Variants in TRPM8 observed in about 807,000 individuals in gnomAD.
TRPM8 encodes TRPM8 cationic channel.
Under a neutral mutation model 133.7 loss-of-function variants are expected in TRPM8, and 110 were observed. The observed-to-expected ratio is 0.82, with a 90% CI of 0.70 to 0.96. TRPM8 has a LOEUF of 0.96. Among genes scored for constraint, TRPM8 ranks in the 40% least tolerant of loss-of-function variants. The pLI, the probability that TRPM8 is intolerant of heterozygous loss-of-function variation, is 0.00. For synonymous variants in TRPM8, 535 were observed against 532.3 expected (o/e 1.01, Z -0.07); for missense variants, 1,291 against 1,379.5 (o/e 0.94, Z 1.02).
At chr2:233,972,795 A>C in intron 17 of TRPM8, among the ~76,000 whole-genome samples, 1 of 151,948 alleles carries the variant, frequency 6.6e-6, no homozygotes, top group Non-Finnish European at 1.5e-5. Context: ...CCCACCCGGA[A>C]CTCCATCTGG....
chr2:233,988,800 T>C (rs1458833226), intron 21 of TRPM8, among the ~76,000 whole-genome samples: 1 of 152,064 alleles, frequency 6.6e-6, no homozygotes, highest in African/African-American at 2.4e-5. Flanking sequence ...GATGTCCAAA[T>C]AGTGTCCAAA....
chr2:234,008,144 G>A (rs78818299), intron 24 of TRPM8, 41 bp downstream of exon 24: 2 of 1,539,972 alleles, frequency 1.3e-6, no homozygotes, highest in Admixed American at 2.0e-5. Context: ...TTTTTTTTTG[G>A]TCACTAATAC....
chr2:233,940,616 C>A (rs1309341824), intron 5 of TRPM8, among the ~76,000 whole-genome samples: 1 of 152,186 alleles, frequency 6.6e-6, no homozygotes, highest in East Asian at 1.9e-4. Context: ...TTCATTGTTG[C>A]TAGTTGTCCA....
chr2:233,960,754 T>C lies in TRPM8; in HGVS notation c.1363-22T>C, dbSNP rs765473392. ...CATATTTTTATAGTATTGTTAGTAC[T>C]GTCTCTGTTCTTTCTCCTTAGTCTG... On this transcript the variant is annotated intron_variant, in intron 11 of 25. Transcript: ENST00000324695. 11 of 1,606,772 alleles carry C rather than the reference T, an allele frequency of 6.8e-6. No homozygotes were observed. The East Asian group carries it at 1.3e-4, about 20-fold the overall frequency.
intron 18 of TRPM8, 61 bp downstream of exon 18, chr2:233,980,340 C>T (rs1355741367): frequency 1.7e-6 from 2 of 1,147,330 alleles, no homozygotes; most frequent in Non-Finnish European, 2.5e-6. Flanking sequence ...TGGAGAAAAG[C>T]TCTGCAGACA....
intron 22 of TRPM8, among the ~76,000 whole-genome samples, chr2:233,997,521 G>C (rs1048103501): frequency 6.6e-6 from 1 of 152,170 alleles, no homozygotes; most frequent in Admixed American, 6.5e-5. Context: ...TAGTGATGCT[G>C]TTCTGGGCTG....
intron 21 of TRPM8, 65 bp from the exon 22 acceptor site, chr2:233,996,261 A>C (rs1692398680): frequency 2.1e-6 from 3 of 1,450,894 alleles, no homozygotes; most frequent in Non-Finnish European, 2.9e-6. Flanking sequence ...CTATTACCAT[A>C]CTAGGCAGTT....
chr2:233,962,963 C>A (rs1336315058), intron 12 of TRPM8, among the ~76,000 whole-genome samples: 1 of 152,148 alleles, frequency 6.6e-6, no homozygotes, highest in Non-Finnish European at 1.5e-5. Context: ...AGAAGAGAAA[C>A]AGAGTTATAT....
At chr2:233,923,155 C>T (rs1018688568) in intron 1 of TRPM8, among the ~76,000 whole-genome samples, 2 of 152,166 alleles carry the variant, frequency 1.3e-5, no homozygotes, top group African/African-American at 4.8e-5. Context: ...AGGTGTGAGC[C>T]ACCGTGCCCG....
intron 19 of TRPM8, 96 bp from the exon 20 acceptor site, chr2:233,982,957 T>G: frequency 7.3e-7 from 1 of 1,374,474 alleles, no homozygotes; most frequent in Non-Finnish European, 1.0e-6. Context: ...CTGGAACCGC[T>G]GCTCTTCTCC....
chr2:234,005,955 C>CACACAT (rs1368615179), intron 22 of TRPM8, among the ~76,000 whole-genome samples: 2 of 151,426 alleles, frequency 1.3e-5, no homozygotes, highest in African/African-American at 4.8e-5. Flanking sequence ...CACACACACA[C>CACACAT]ACACACACAC....
At chr2:233,988,666 G>T (rs1692206113) in intron 21 of TRPM8, among the ~76,000 whole-genome samples, 1 of 152,136 alleles carries the variant, frequency 6.6e-6, no homozygotes, top group African/African-American at 2.4e-5. Context: ...AGATTATGTG[G>T]CTGCTAGTTC....
At position 233,983,061 on chromosome 2, in the gene TRPM8, T is replaced by C. The variant is rs202120738; in HGVS notation, c.2598T>C (p.Asp866=). The part of the protein sequence containing the change: ...KIIMLQRMLI[D]VFFFLFLFAV... ...CTGTCCTCCCCTGACAGCTGATCGATGTGTTCTTCTTCCTGTTCCTCTTTG... is the reference window on the plus strand; with the variant it reads ...CTGTCCTCCCCTGACAGCTGATCGACGTGTTCTTCTTCCTGTTCCTCTTTG... Residue 866 remains aspartate, a synonymous_variant, in exon 20 of 26, where the codon GAT becomes GAC. Transcript: ENST00000324695. 7.4e-6 allele frequency: 12 copies of C among 1,612,606 alleles called. No homozygotes were observed. Among genetic ancestry groups the C allele is most frequent in the African/African-American group, 6.7e-5 (5 of 74,916 alleles).
rs756878690 is a variant in TRPM8, at chr2:233,985,878, T to C, written c.2939+13T>C. The C allele has an allele frequency of 1.7e-5, 27 of 1,602,610 alleles. 1 individual carries two copies. The highest frequency in any genetic ancestry group is 2.2e-5 in the Non-Finnish European group (26 of 1,173,614). ...TCGCCATGTTTGGGTATGTGTTCAG[T>C]CACATGTTCACTGATGTCCACCCTG... On this transcript the variant is annotated intron_variant, in intron 21 of 25. Coordinates refer to ENST00000324695, the MANE Select transcript of TRPM8 (RefSeq NM_024080.5).
intron 7 of TRPM8, 182 bp downstream of exon 7, chr2:233,946,212 G>A (rs747274084): frequency 1.6e-6 from 1 of 608,164 alleles, no homozygotes; most frequent in Admixed American, 2.9e-5. Context: ...TTCTGCCAGG[G>A]TCAATGTGGT....
intron 17 of TRPM8, among the ~76,000 whole-genome samples, chr2:233,971,383 G>T (rs368377190): frequency 6.6e-6 from 1 of 152,124 alleles, no homozygotes; most frequent in Admixed American, 6.5e-5. Flanking sequence ...AGATTCCAAG[G>T]GTCTGTCTGT....
chr2:233,970,538 A>G (rs961297246), intron 17 of TRPM8, 112 bp downstream of exon 17: 1 of 1,032,434 alleles, frequency 9.7e-7, no homozygotes. Flanking sequence ...TATTTTCCCA[A>G]AATAAATGTT....
chr2:233,936,440 T>C (rs1348925549), intron 3 of TRPM8, among the ~76,000 whole-genome samples: 3 of 152,206 alleles, frequency 2.0e-5, no homozygotes, highest in African/African-American at 4.8e-5. Flanking sequence ...AACGAGAAGA[T>C]CTCGTGTTCA....
chr2:233,995,768 T>C (rs1017179236), intron 21 of TRPM8, among the ~76,000 whole-genome samples: 1 of 152,198 alleles, frequency 6.6e-6, no homozygotes, highest in Admixed American at 6.5e-5. Flanking sequence ...CATATGGTGC[T>C]GGTGGCCAAC....
Sources: allele counts gnomAD v4.1 joint callset (sites outside exome capture counted in the v4.1 genomes callset), GRCh38; gene constraint gnomAD v4.1.1; transcripts MANE v1.5; gene names NCBI Gene and HGNC (gene_info 2026-07-23, HGNC 2026-07-21).